The following ZNF91 variants were observed in gnomAD, a reference collection of about 807,000 sequenced individuals.
ZNF91 encodes zinc finger protein 91.
Under a neutral mutation model 12.6 loss-of-function variants are expected in ZNF91, and 7 were observed. The ratio of observed to expected loss-of-function variants is 0.55; its 90% confidence interval spans 0.31 to 1.04. ZNF91 has a LOEUF of 1.04. ZNF91 is among the 50% of genes least tolerant of loss of function. ZNF91 has a pLI of 0.05. For synonymous variants in ZNF91, 453 were observed against 462.6 expected (o/e 0.98, Z 0.27); for missense variants, 1,217 against 1,385.4 (o/e 0.88, Z 1.93).
At chr19:23,320,221 C>T (rs538472966) in intron 1 of ZNF91, among the ~76,000 whole-genome samples, 1 of 152,182 alleles carries the variant, frequency 6.6e-6, no homozygotes, top group Non-Finnish European at 1.5e-5. Flanking sequence ...CTCATAGGCA[C>T]ATGAGTACTC....
intron 1 of ZNF91, among the ~76,000 whole-genome samples, chr19:23,320,885 C>G (rs543249627): frequency 2.0e-5 from 3 of 152,132 alleles, no homozygotes; most frequent in Non-Finnish European, 4.4e-5. Context: ...TCAAAAGTTG[C>G]AATGTTGACT....
intron 1 of ZNF91, chr19:23,324,556 T>C (rs1967802339): frequency 6.6e-6 from 1 of 151,122 alleles, no homozygotes; most frequent in Non-Finnish European, 1.5e-5. Context: ...TGTATGTATA[T>C]ACGTATGTAT....
chr19:23,382,948 A>C lies in ZNF91; in HGVS notation c.31-8184T>G, dbSNP rs180907779. 9.8e-5 allele frequency among the ~76,000 whole-genome samples: 15 copies of C among 152,292 alleles called. No homozygotes were observed. The East Asian group carries it at 2.9e-3, about 29-fold the overall frequency. On this transcript the variant is annotated intron_variant, in intron 1 of 3. Coordinates refer to ENST00000300619, the MANE Select transcript of ZNF91 (RefSeq NM_003430.4). ...AAAAGTGCTGGTATTATTTCTACTA[A>C]AACTATTTTAAGAAATTAAGAAAAA... is the stretch of plus-strand genomic sequence containing the variant.
At chr19:23,320,873 A>C (rs1359335287) in intron 1 of ZNF91, among the ~76,000 whole-genome samples, 1 of 152,228 alleles carries the variant, frequency 6.6e-6, no homozygotes, top group African/African-American at 2.4e-5. Context: ...ATCTAGAGGC[A>C]GTCAAAAGTT....
Position 23,359,049 on chromosome 19 carries a change from ATGAATTTTCTTATGTC to A in ZNF91, c.*338_*353del. The stretch of plus-strand genomic sequence containing the variant: ...CCTGTTTGTAGGGTTGCTGTCCAGT[ATGAATTTTCTTATGTC>A]TGGTTAGGGCTGAGGACCAGAAAAA... On this transcript the variant is annotated 3_prime_UTR_variant, in exon 4 of 4. Transcript: ENST00000300619. 1 of 532,120 alleles carries A rather than the reference ATGAATTTTCTTATGTC, an allele frequency of 1.9e-6. No homozygotes were observed. Among genetic ancestry groups the A allele is most frequent in the East Asian group, 4.9e-5 (1 of 20,358 alleles). 33.0% of individuals were successfully genotyped at this position (532,120 alleles called of 1,614,324 possible). A position where few individuals can be genotyped will look rare whatever the true frequency, so the allele number is the denominator to read the frequency against.
At chr19:23,306,153 T>C (rs1169030053) in intron 3 of ZNF91, among the ~76,000 whole-genome samples, 1 of 152,240 alleles carries the variant, frequency 6.6e-6, no homozygotes, top group Non-Finnish European at 1.5e-5. Flanking sequence ...CCAATAGTAA[T>C]GCAAATAGAA....
At chr19:23,333,812 A>G (rs556577186), downstream of ZNF91, among the ~76,000 whole-genome samples, 1 of 152,186 alleles carries the variant, frequency 6.6e-6, no homozygotes, top group East Asian at 1.9e-4. Flanking sequence ...ACATTGGGAG[A>G]GTTTCAGCAA....
chr19:23,319,318 C>T (rs1967634881), intron 1 of ZNF91, among the ~76,000 whole-genome samples: 1 of 152,218 alleles, frequency 6.6e-6, no homozygotes, highest in South Asian at 2.1e-4. Flanking sequence ...AACTCTTCTG[C>T]ATGAGCCCTG....
intron 3 of ZNF91, among the ~76,000 whole-genome samples, chr19:23,368,421 A>G (rs574115597): frequency 2.6e-5 from 4 of 151,920 alleles, no homozygotes; most frequent in African/African-American, 7.2e-5. Context: ...AGGCTGAGGC[A>G]GAAGAATTGC....
chr19:23,316,674 T>C (rs1967567134), intron 1 of ZNF91, among the ~76,000 whole-genome samples: 1 of 152,206 alleles, frequency 6.6e-6, no homozygotes. Context: ...ATAACGACTC[T>C]CATGCCACAC....
At chr19:23,340,593 C>G (rs963325208) in intron 3 of ZNF91, among the ~76,000 whole-genome samples, 1 of 151,904 alleles carries the variant, frequency 6.6e-6, no homozygotes, top group African/African-American at 2.4e-5. Context: ...AAAATTCTAC[C>G]AAGTGTACAA....
intron 1 of ZNF91, among the ~76,000 whole-genome samples, chr19:23,322,726 C>A (rs1321397570): frequency 1.4e-5 from 2 of 139,564 alleles, no homozygotes; most frequent in East Asian, 4.1e-4. Context: ...CTCCTCTCCT[C>A]ATCTCTTCTT....
intron 3 of ZNF91, 149 bp from the exon 4 acceptor site, chr19:23,362,874 T>G: frequency 8.3e-7 from 1 of 1,201,442 alleles, no homozygotes; most frequent in Non-Finnish European, 1.1e-6. Context: ...ATTTTTGTTT[T>G]TTTGTTTGTT....
intron 1 of ZNF91, among the ~76,000 whole-genome samples, chr19:23,393,836 C>T (rs1483950935): frequency 6.6e-6 from 1 of 151,974 alleles, no homozygotes; most frequent in African/African-American, 2.4e-5. Flanking sequence ...CCTGTCTGTA[C>T]TAAAAATACA....
intron 1 of ZNF91, chr19:23,327,960 T>G (rs2145866674): frequency 6.6e-6 from 1 of 152,362 alleles, no homozygotes; most frequent in Admixed American, 6.5e-5. Context: ...AGCTTAAGGT[T>G]TCACAACTTA....
At chr19:23,336,243 A>G (rs1050036258), downstream of ZNF91, among the ~76,000 whole-genome samples, 4 of 152,188 alleles carry the variant, frequency 2.6e-5, no homozygotes, top group Admixed American at 2.6e-4. Flanking sequence ...TGGACACAGA[A>G]AAACTTGGTT....
intron 3 of ZNF91, among the ~76,000 whole-genome samples, chr19:23,347,680 T>G (rs1231972464): frequency 6.6e-6 from 1 of 152,106 alleles, no homozygotes; most frequent in East Asian, 1.9e-4. Flanking sequence ...CTCCTGCAAC[T>G]TCTCCACCCT....
At position 23,323,647 on chromosome 19, in the gene ZNF91, CCT is replaced by C. The variant is rs1490485148; in HGVS notation, n.117-14552_117-14551del. Among the ~76,000 whole-genome samples, 20 of 130,918 alleles carry C rather than the reference CCT, an allele frequency of 1.5e-4. No individual in the cohort carries two copies. In the East Asian group the frequency reaches 4.7e-3, roughly 31 times the overall value. The allele number at this position is 130,918 out of a possible 152,430, so 85.9% of individuals were successfully genotyped here. On this transcript the variant is annotated intron_variant and non_coding_transcript_variant, in intron 1 of 1. Coordinates refer to the ZNF91 transcript ENST00000596528. ...TCCTTTCTCCTCCTCCTTCTCTTCT[CCT>C]CTCCTCCTCCTTTCCTCTTCTCTCC... is the stretch of plus-strand genomic sequence containing the variant.
intron 3 of ZNF91, among the ~76,000 whole-genome samples, chr19:23,367,161 C>T (rs1157729136): frequency 6.6e-6 from 1 of 152,144 alleles, no homozygotes; most frequent in Admixed American, 6.5e-5. Flanking sequence ...AGACATGGTA[C>T]TTTGTTTGTA....
Sources: allele counts gnomAD v4.1 joint callset (sites outside exome capture counted in the v4.1 genomes callset), GRCh38; gene constraint gnomAD v4.1.1; transcripts MANE v1.5; gene names NCBI Gene and HGNC (gene_info 2026-07-23, HGNC 2026-07-21).